RPS6KA3: variants seen among roughly 807,000 people sequenced by gnomAD.
RPS6KA3 encodes the protein ribosomal protein S6 kinase A3.
A neutral mutation model predicts 67.2 loss-of-function variants in RPS6KA3; 4 were observed. The observed-to-expected ratio is 0.06, with a 90% CI of 0.03 to 0.14. The LOEUF (loss-of-function observed/expected upper bound fraction) is 0.14. RPS6KA3 is among the 10% of genes least tolerant of loss of function. RPS6KA3 has a pLI of 1.00. For missense variants in RPS6KA3, 204 were observed against 559.0 expected, an observed-to-expected ratio of 0.36 and a Z score of 6.40; for synonymous variants, 182 against 183.7, an observed-to-expected ratio of 0.99 and a Z score of 0.07.
intron 1 of RPS6KA3, among the ~76,000 whole-genome samples, chrX:20,244,428 G>C (rs1411499729): frequency 8.9e-6 from 1 of 112,345 alleles, no homozygotes; most frequent in Non-Finnish European, 1.9e-5. Context: ...TAACTACTGG[G>C]TCAAGGAAAT....
At chrX:20,261,309 G>C (rs1218772282) in intron 1 of RPS6KA3, among the ~76,000 whole-genome samples, 1 of 112,046 alleles carries the variant, frequency 8.9e-6, no homozygotes, top group Admixed American at 9.4e-5. Context: ...GAGAGGATTT[G>C]AAATGTTCCC....
At chrX:20,179,227 A>G (rs1181472501) in intron 10 of RPS6KA3, among the ~76,000 whole-genome samples, 4 of 112,163 alleles carry the variant, frequency 3.6e-5, no homozygotes, top group African/African-American at 1.3e-4. Flanking sequence ...AGAAAAGAAC[A>G]GCAAATAAAG....
intron 4 of RPS6KA3, among the ~76,000 whole-genome samples, chrX:20,201,386 G>A (rs1348742309): frequency 9.1e-6 from 1 of 109,934 alleles, no homozygotes; most frequent in Non-Finnish European, 1.9e-5. Context: ...CCATCCTCCC[G>A]CCTCAGCCTC....
chrX:20,220,041 G>A (rs1215632775), intron 2 of RPS6KA3, among the ~76,000 whole-genome samples: 1 of 111,340 alleles, frequency 9.0e-6, no homozygotes, highest in Non-Finnish European at 1.9e-5. Context: ...CATATTTGGT[G>A]ATAGAGCTAT....
intron 1 of RPS6KA3, among the ~76,000 whole-genome samples, chrX:20,238,067 T>C (rs939670780): frequency 5.4e-5 from 6 of 111,606 alleles, no homozygotes; most frequent in African/African-American, 1.9e-4. Flanking sequence ...CATCTATGAC[T>C]CTAATCCACC....
intron 14 of RPS6KA3, among the ~76,000 whole-genome samples, chrX:20,173,779 A>G (rs2067630414): frequency 8.9e-6 from 1 of 112,588 alleles, no homozygotes; most frequent in African/African-American, 3.2e-5. Flanking sequence ...TTGTTTTTCT[A>G]CAAAATGGAA....
intron 1 of RPS6KA3, among the ~76,000 whole-genome samples, chrX:20,246,469 T>C (rs1180799580): frequency 2.7e-5 from 3 of 111,400 alleles, no homozygotes; most frequent in Non-Finnish European, 5.7e-5. Context: ...GCTAAAAATC[T>C]GAGTTCTGGA....
At chrX:20,186,843 A>T (rs998920903) in intron 9 of RPS6KA3, among the ~76,000 whole-genome samples, 18 of 110,735 alleles carry the variant, frequency 1.6e-4, no homozygotes, top group Admixed American at 4.8e-4. Flanking sequence ...GAACTTATTT[A>T]TTTTTTTTGA....
At chrX:20,194,328 G>A in intron 5 of RPS6KA3, 60 bp from the exon 6 acceptor site, 1 of 660,279 alleles carries the variant, frequency 1.5e-6, no homozygotes, top group Non-Finnish European at 2.4e-6. Context: ...GTTTACATTA[G>A]GTCATTCATA....
At position 20,155,135 on chromosome X, in the gene RPS6KA3, A is replaced by C; in HGVS notation, c.*263T>G. 1 of 377,419 alleles carries C rather than the reference A, an allele frequency of 2.6e-6. No individual in the cohort carries two copies. Among genetic ancestry groups the C allele is most frequent in the Non-Finnish European group, 4.7e-6 (1 of 212,677 alleles). The allele number at this position is 377,419 out of a possible 1,213,427, so 31.1% of individuals were successfully genotyped here. A position where few individuals can be genotyped will look rare whatever the true frequency, so the allele number is the denominator to read the frequency against. On this transcript the variant is annotated 3_prime_UTR_variant, in exon 22 of 22. Transcript: ENST00000379565. ...ATTTTTAGGTGGTATTCATATGTTC[A>C]TTATTTTTCTCATTGATTCAGTGAC...
At chrX:20,166,881 C>G (rs2067454367) in intron 17 of RPS6KA3, among the ~76,000 whole-genome samples, 1 of 110,510 alleles carries the variant, frequency 9.0e-6, no homozygotes, top group Non-Finnish European at 1.9e-5. Context: ...TGACGCCCGG[C>G]TAATTTTTGT....
chrX:20,172,634 C>CT (rs1195333366), intron 15 of RPS6KA3, 112 bp downstream of exon 15: 24 of 661,326 alleles, frequency 3.6e-5, no homozygotes, highest in Non-Finnish European at 3.9e-5. Flanking sequence ...AGATATTTAA[C>CT]TTTTTTATAA....
chrX:20,197,795 G>A (rs2068311676), intron 4 of RPS6KA3, among the ~76,000 whole-genome samples: 1 of 111,641 alleles, frequency 9.0e-6, no homozygotes, highest in Non-Finnish European at 1.9e-5. Context: ...TAATTCAGAA[G>A]AAGGCATGTT....
chrX:20,249,617 CTTTT>C (rs2069805752), intron 1 of RPS6KA3, among the ~76,000 whole-genome samples: 1 of 111,772 alleles, frequency 8.9e-6, no homozygotes, highest in Non-Finnish European at 1.9e-5. Context: ...CTGTTCACTT[CTTTT>C]GTCTATTTTT....
At chrX:20,194,772 C>G (rs1041983913) in intron 5 of RPS6KA3, among the ~76,000 whole-genome samples, 1 of 110,314 alleles carries the variant, frequency 9.1e-6, no homozygotes. Flanking sequence ...CTACAAAAGG[C>G]TAGCATATTA....
At chrX:20,171,553 T>C (rs771119128) in intron 15 of RPS6KA3, among the ~76,000 whole-genome samples, 2 of 111,940 alleles carry the variant, frequency 1.8e-5, no homozygotes, top group Non-Finnish European at 3.8e-5. Context: ...ATACTTGTGC[T>C]TGTGGACCTC....
chrX:20,176,914 C>T, intron 11 of RPS6KA3, 82 bp downstream of exon 11: 1 of 736,991 alleles, frequency 1.4e-6, no homozygotes, highest in Non-Finnish European at 2.1e-6. Flanking sequence ...TTAATAATTC[C>T]ACCACAAAAC....
At chrX:20,262,462 G>A (rs896118892) in intron 1 of RPS6KA3, among the ~76,000 whole-genome samples, 2 of 111,922 alleles carry the variant, frequency 1.8e-5, no homozygotes, top group South Asian at 3.7e-4. Flanking sequence ...AGAAGACAAA[G>A]TCTGCCTATA....
intron 1 of RPS6KA3, among the ~76,000 whole-genome samples, chrX:20,263,825 G>T (rs530363250): frequency 2.7e-5 from 3 of 111,514 alleles, no homozygotes; most frequent in Non-Finnish European, 3.8e-5. Flanking sequence ...ATTCAGAGAG[G>T]GGGGGAAAAA....
Sources: gnomAD v4.1 joint callset for allele counts (sites outside exome capture counted in the v4.1 genomes callset) on GRCh38, gnomAD v4.1.1 for gene constraint, MANE v1.5 for transcripts, NCBI Gene and HGNC (gene_info 2026-07-23, HGNC 2026-07-21) for gene names.